BDP1: variants seen among roughly 807,000 people sequenced by gnomAD.
BDP1 encodes the protein transcription factor TFIIIB component B'' homolog.
BDP1 carries 169 observed loss-of-function variants against 266.6 expected under a neutral mutation model. That is an observed-to-expected ratio of 0.63 (90% confidence interval 0.56 to 0.72). BDP1 has a LOEUF of 0.72. BDP1 is among the 30% of genes least tolerant of loss of function. BDP1 has a pLI of 0.00. For missense variants in BDP1, 3,015 were observed against 3,053.8 expected (o/e 0.99, Z 0.30); for synonymous variants, 1,090 against 1,022.4 (o/e 1.07, Z -1.26).
chr5:71,530,200 A>C (rs1439289517), intron 25 of BDP1, among the ~76,000 whole-genome samples: 1 of 151,766 alleles, frequency 6.6e-6, no homozygotes, highest in Non-Finnish European at 1.5e-5. Flanking sequence ...TGAACTTTAA[A>C]ATTTTTTTTT....
chr5:71,490,356 T>A (rs1681839804), intron 10 of BDP1, among the ~76,000 whole-genome samples: 1 of 152,214 alleles, frequency 6.6e-6, no homozygotes, highest in African/African-American at 2.4e-5. Flanking sequence ...TGTAGGCATC[T>A]CAATATTATG....
At chr5:71,526,575 C>T (rs1455282259) in intron 25 of BDP1, among the ~76,000 whole-genome samples, 1 of 130,148 alleles carries the variant, frequency 7.7e-6, no homozygotes, top group East Asian at 2.3e-4. Flanking sequence ...GAGATCGTGC[C>T]ACTGCACTCC....
At chr5:71,544,620 C>G (rs919206541) in intron 31 of BDP1, 113 bp downstream of exon 31, 28 of 1,150,390 alleles carry the variant, frequency 2.4e-5, no homozygotes, top group Non-Finnish European at 1.1e-5. Context: ...TGGCTCACGC[C>G]TGTAATCCCG....
At chr5:71,557,636 G>T (rs545901709) in intron 36 of BDP1, among the ~76,000 whole-genome samples, 2 of 80,792 alleles carry the variant, frequency 2.5e-5, no homozygotes, top group Admixed American at 2.1e-4. Context: ...TGCCGGCCTC[G>T]AAATTTTTGT....
chr5:71,510,622 G>C lies in BDP1; in HGVS notation c.3530G>C (p.Gly1177Ala). Residue 1177 changes from glycine (G) to alanine (A), a missense_variant, in exon 17 of 39, where the codon GGA becomes GCA. Physicochemically the swap from Gly to Ala is moderately conservative, Grantham distance 60. Coordinates refer to ENST00000358731, the MANE Select transcript of BDP1 (RefSeq NM_018429.3). The part of the protein sequence containing the change: ...DEMETDLKTT[G>A]REGSSREKTR... ...ATGGAGACAGACTTGAAAACAACTG[G>C]AAGAGAGGGTTCCTCAAGGGAGAAG... 6.3e-7 allele frequency: 1 copy of C among 1,587,374 alleles called. No individual in the cohort carries two copies. Among genetic ancestry groups the C allele is most frequent in the Non-Finnish European group, 8.6e-7 (1 of 1,163,084 alleles).
chr5:71,458,136 C>T (rs531790276), intron 1 of BDP1, among the ~76,000 whole-genome samples: 25 of 152,172 alleles, frequency 1.6e-4, no homozygotes, highest in African/African-American at 4.8e-4. Flanking sequence ...TGACTGACCT[C>T]GGGTTGATAA....
chr5:71,465,471 C>T (rs1211590581), intron 4 of BDP1, among the ~76,000 whole-genome samples: 1 of 152,022 alleles, frequency 6.6e-6, no homozygotes, highest in African/African-American at 2.4e-5. Flanking sequence ...GCTATGTTGC[C>T]CAGGCTGATC....
At chr5:71,496,763 A>C (rs1182113978) in intron 12 of BDP1, among the ~76,000 whole-genome samples, 1 of 152,142 alleles carries the variant, frequency 6.6e-6, no homozygotes, top group Non-Finnish European at 1.5e-5. Flanking sequence ...TTGTATTTTT[A>C]GTAGAAACGG....
chr5:71,551,886 G>C (rs1742795215), intron 34 of BDP1, among the ~76,000 whole-genome samples: 2 of 148,740 alleles, frequency 1.3e-5, no homozygotes, highest in African/African-American at 5.0e-5. Flanking sequence ...GGACGGGGCA[G>C]CTGGCCAGGC....
In BDP1 at chr5:71,524,200, T is replaced by C. The variant is rs760162711; in HGVS notation, c.5649T>C (p.Ser1883=). 14 of 1,614,092 alleles carry C rather than the reference T, an allele frequency of 8.7e-6. No individual in the cohort carries two copies. In the East Asian group the frequency reaches 3.1e-4, roughly 36 times the overall value. ...ATGATGATGCTGACGATTTTGAGTC[T>C]GACTATGAGGAAGAAAGCTATCATC... The part of the protein sequence containing the change: ...EEDDDADDFE[S]DYEEESYHLA... The change falls in exon 25 of 39, where the codon TCT becomes TCC. Residue 1883 remains serine (S), a synonymous_variant. Transcript: ENST00000358731.
At chr5:71,531,760 C>T (rs1013935790) in intron 25 of BDP1, among the ~76,000 whole-genome samples, 2 of 152,134 alleles carry the variant, frequency 1.3e-5, no homozygotes, top group African/African-American at 4.8e-5. Context: ...CCACCTGCCT[C>T]GGCCTCCCAA....
chr5:71,467,916 T>G lies in BDP1; in HGVS notation c.919+429T>G, dbSNP rs376974113. 9.9e-5 allele frequency among the ~76,000 whole-genome samples: 15 copies of G among 152,234 alleles called. 1 individual carries two copies. Among genetic ancestry groups the G allele is most frequent in the African/African-American group, 3.6e-4 (15 of 41,550 alleles). On this transcript the variant is annotated intron_variant, in intron 6 of 38. Coordinates refer to ENST00000358731, the MANE Select transcript of BDP1 (RefSeq NM_018429.3). Reference sequence around the variant, plus strand: ...GTGCAGTGAAACTATCTTAGCTTACTGCAGCCTTGAACTCTTGGGCTCATG... The same window carrying G: ...GTGCAGTGAAACTATCTTAGCTTACGGCAGCCTTGAACTCTTGGGCTCATG...
At chr5:71,498,111 C>T (rs1015660375) in intron 13 of BDP1, among the ~76,000 whole-genome samples, 9 of 151,856 alleles carry the variant, frequency 5.9e-5, no homozygotes, top group Non-Finnish European at 7.4e-5. Context: ...CCACCATGCC[C>T]GGCTAATTTT....
At chr5:71,467,239 T>C in intron 5 of BDP1, 115 bp from the exon 6 acceptor site, 1 of 819,336 alleles carries the variant, frequency 1.2e-6, no homozygotes, top group Non-Finnish European at 1.9e-6. Context: ...ATAGGTATTA[T>C]TATGCCTTTG....
At chr5:71,540,258 G>T (rs1766884170) in intron 28 of BDP1, among the ~76,000 whole-genome samples, 1 of 144,184 alleles carries the variant, frequency 6.9e-6, no homozygotes, top group African/African-American at 2.5e-5. Flanking sequence ...TATTTTGCCT[G>T]GTTACCATTC....
At chr5:71,578,031 G>A in the BDP1 span, among the ~76,000 whole-genome samples, 9 of 152,148 alleles carry the variant, frequency 5.9e-5, no homozygotes, top group African/African-American at 9.7e-5. Flanking sequence ...GGGCAAACTC[G>A]CTTCTGTGCC....
At chr5:71,557,067 G>A (rs1743268511) in intron 36 of BDP1, 142 bp downstream of exon 36, 1 of 453,552 alleles carries the variant, frequency 2.2e-6, no homozygotes, top group Non-Finnish European at 3.8e-6. Flanking sequence ...CTTCTTTCCT[G>A]CAAAGGCCTT....
intron 35 of BDP1, among the ~76,000 whole-genome samples, chr5:71,553,594 T>C (rs140659215): frequency 3.3e-5 from 5 of 152,312 alleles, no homozygotes; most frequent in African/African-American, 1.2e-4. Flanking sequence ...ATTATATATG[T>C]CTGGATCTTG....
chr5:71,524,804 T>G (rs1320070341), intron 25 of BDP1, among the ~76,000 whole-genome samples: 3 of 150,318 alleles, frequency 2.0e-5, no homozygotes, highest in Admixed American at 6.6e-5. Context: ...TTTGTGTCCC[T>G]GGGTACTTGA....
Sources: gnomAD v4.1 joint callset for allele counts (sites outside exome capture counted in the v4.1 genomes callset) on GRCh38, gnomAD v4.1.1 for gene constraint, MANE v1.5 for transcripts, NCBI Gene and HGNC (gene_info 2026-07-23, HGNC 2026-07-21) for gene names.